Variants in WIPI2 observed in about 807,000 individuals in gnomAD.
The protein encoded by WIPI2 is WD repeat domain phosphoinositide-interacting protein 2.
Under a neutral mutation model 52.3 loss-of-function variants are expected in WIPI2, and 28 were observed. The observed-to-expected ratio is 0.54, with a 90% CI of 0.40 to 0.73. WIPI2 has a LOEUF of 0.73. Ranked by LOEUF, WIPI2 falls within the 30% of genes least tolerant of loss-of-function variation. The pLI is 0.00. For missense variants in WIPI2, 506 were observed against 602.9 expected, an observed-to-expected ratio of 0.84 and a Z score of 1.68; for synonymous variants, 268 against 245.0, an observed-to-expected ratio of 1.09 and a Z score of -0.88.
rs182390672 is a variant in WIPI2, at chr7:5,207,515, G to T, written c.212-7020G>T. Among the ~76,000 whole-genome samples the T allele has an allele frequency of 4.2e-3, 641 of 152,192 alleles. 14 individuals are homozygous for T. The highest frequency in any genetic ancestry group is 2.7e-3 in the East Asian group (14 of 5,188). ...AGTATGTGAATATATGACAGTTGTT[G>T]ATGTATTCTTTTCATGACAGTTATC... On this transcript the variant is annotated intron_variant, in intron 3 of 12. Transcript: ENST00000288828.
chr7:5,193,469 G>T (rs1432593683), intron 2 of WIPI2: 4 of 615,874 alleles, frequency 6.5e-6, no homozygotes, highest in East Asian at 3.7e-5. Context: ...GGAGACAACA[G>T]GAGAAACCTG....
intron 2 of WIPI2, among the ~76,000 whole-genome samples, chr7:5,198,707 G>C (rs943859381): frequency 1.3e-5 from 2 of 152,180 alleles, no homozygotes; most frequent in African/African-American, 2.4e-5. Flanking sequence ...CAGTAAGGCT[G>C]ATTCCTTGTG....
At chr7:5,228,687 A>C (rs541128869) in intron 11 of WIPI2, among the ~76,000 whole-genome samples, 1 of 152,210 alleles carries the variant, frequency 6.6e-6, no homozygotes, top group Non-Finnish European at 1.5e-5. Context: ...ATGCATTTTC[A>C]TTCTGTCTTA....
At chr7:5,211,730 T>C (rs1319973443) in intron 3 of WIPI2, among the ~76,000 whole-genome samples, 3 of 152,220 alleles carry the variant, frequency 2.0e-5, no homozygotes, top group African/African-American at 7.2e-5. Flanking sequence ...GGTTTTCCTA[T>C]GTGTCCCAAC....
Position 5,228,180 on chromosome 7 carries a change from G to A in WIPI2, c.1090G>A (p.Gly364Ser). 6.2e-7 allele frequency: 1 copy of A among 1,613,672 alleles called. No homozygotes were observed. Among genetic ancestry groups the A allele is most frequent in the Non-Finnish European group, 8.5e-7 (1 of 1,179,976 alleles). Reference protein sequence around the residue: ...LYMYNLDPQEGGECALMKQHR... With the variant: ...LYMYNLDPQESGECALMKQHR... ...CATGTACAACCTGGACCCCCAGGAG[G>A]GCGGCGAGTGTGCCCTGATGAAGCA... Residue 364 changes from glycine (G) to serine (S), a missense_variant, in exon 11 of 13, where the codon GGC becomes AGC. Physicochemically the swap from Gly to Ser is moderately conservative, Grantham distance 56. This residue lies in a region of WIPI2 where 194 missense variants were observed against 175.1 expected (regional missense o/e 1.11). Transcript: ENST00000288828.
At chr7:5,208,816 C>G (rs1330039315) in intron 3 of WIPI2, among the ~76,000 whole-genome samples, 1 of 152,036 alleles carries the variant, frequency 6.6e-6, no homozygotes, top group African/African-American at 2.4e-5. Flanking sequence ...TTTGCATTTT[C>G]TAGTTTCTTT....
At chr7:5,197,151 A>G (rs1315337239) in intron 2 of WIPI2, among the ~76,000 whole-genome samples, 3 of 150,212 alleles carry the variant, frequency 2.0e-5, no homozygotes, top group Non-Finnish European at 3.0e-5. Flanking sequence ...AAAAAACCAT[A>G]AAATAAATAA....
intron 3 of WIPI2, among the ~76,000 whole-genome samples, chr7:5,208,579 A>G (rs1028419197): frequency 1.2e-4 from 19 of 152,190 alleles, no homozygotes; most frequent in African/African-American, 4.3e-4. Context: ...TATTTAAGTC[A>G]ATAATCTATC....
At chr7:5,216,778 A>G (rs1326876904) in intron 5 of WIPI2, 119 bp downstream of exon 5, 10 of 1,010,670 alleles carry the variant, frequency 9.9e-6, no homozygotes, top group Admixed American at 2.4e-5. Context: ...TTTTAAAAGT[A>G]TTGATCCCAA....
rs751565385 is a variant in WIPI2, at chr7:5,227,410, G to A, written c.1013+66G>A. 95 of 1,574,714 alleles carry A rather than the reference G, an allele frequency of 6.0e-5. No homozygotes were observed. The highest frequency in any genetic ancestry group is 2.7e-4 in the South Asian group (24 of 87,742). On this transcript the variant is annotated intron_variant, in intron 10 of 12. Coordinates refer to ENST00000288828, the MANE Select transcript of WIPI2 (RefSeq NM_015610.4). This position sits in a 1 kb window ranked among gnomAD's most constrained non-coding sequence, Gnocchi z 8.1. Reference sequence around the variant, plus strand: ...TCAGGCCGAGGGGCCCAGTCCTGGCGGCTTGTGGCCCCTTCCGTGCTTCTG... The same window carrying A: ...TCAGGCCGAGGGGCCCAGTCCTGGCAGCTTGTGGCCCCTTCCGTGCTTCTG...
At chr7:5,193,626 G>C (rs745964717) in intron 2 of WIPI2, among the ~76,000 whole-genome samples, 26 of 152,206 alleles carry the variant, frequency 1.7e-4, no homozygotes, top group Non-Finnish European at 3.1e-4. Context: ...AAGTGCAGTG[G>C]CATAGTTATA....
At chr7:5,194,335 C>G (rs560070469) in intron 2 of WIPI2, among the ~76,000 whole-genome samples, 5 of 152,248 alleles carry the variant, frequency 3.3e-5, no homozygotes, top group Admixed American at 2.0e-4. Context: ...CTCTATCCGC[C>G]TAAGCACGCA....
In WIPI2 at chr7:5,199,676, T is replaced by A; in HGVS notation, c.211+18T>A. 1 of 1,567,392 alleles carries A rather than the reference T, an allele frequency of 6.4e-7. No individual in the cohort carries two copies. Among genetic ancestry groups the A allele is most frequent in the Non-Finnish European group, 8.6e-7 (1 of 1,165,586 alleles). On this transcript the variant is annotated intron_variant, in intron 3 of 12. Coordinates refer to ENST00000288828, the MANE Select transcript of WIPI2 (RefSeq NM_015610.4). ...TGAATGCAGTAAGTGTTTGCTTTATTTTTCCCCTTCTTAAAAAAAAAAAAA... is the reference window on the plus strand; with the variant it reads ...TGAATGCAGTAAGTGTTTGCTTTATATTTCCCCTTCTTAAAAAAAAAAAAA...
intron 1 of WIPI2, chr7:5,190,780 C>T: frequency 3.4e-6 from 1 of 297,202 alleles, no homozygotes; most frequent in Non-Finnish European, 6.2e-6. Flanking sequence ...GACTTAACTA[C>T]TTCTCGCAAA....
intron 3 of WIPI2, among the ~76,000 whole-genome samples, chr7:5,209,492 C>T (rs1446483414): frequency 6.6e-6 from 1 of 152,180 alleles, no homozygotes; most frequent in Non-Finnish European, 1.5e-5. Flanking sequence ...TAGGTTTCTA[C>T]CATGAATGAG....
At chr7:5,223,490 C>T (rs1783254996) in intron 8 of WIPI2, among the ~76,000 whole-genome samples, 1 of 152,186 alleles carries the variant, frequency 6.6e-6, no homozygotes, top group South Asian at 2.1e-4. Context: ...CCTCCAGCTC[C>T]TGCCTCCTCG....
chr7:5,208,747 T>C (rs1327276256), intron 3 of WIPI2, among the ~76,000 whole-genome samples: 2 of 152,314 alleles, frequency 1.3e-5, no homozygotes, highest in African/African-American at 4.8e-5. Flanking sequence ...TTCTGGACTC[T>C]TTAGTCTCTT....
At chr7:5,192,871 G>A (rs1346586959) in intron 1 of WIPI2, among the ~76,000 whole-genome samples, 2 of 152,174 alleles carry the variant, frequency 1.3e-5, no homozygotes, top group Non-Finnish European at 1.5e-5. Flanking sequence ...TTTACTGTAT[G>A]CAGTGAGAAA....
intron 3 of WIPI2, among the ~76,000 whole-genome samples, chr7:5,201,616 C>G (rs559327805): frequency 6.6e-6 from 1 of 152,272 alleles, no homozygotes; most frequent in South Asian, 2.1e-4. Flanking sequence ...CATGGTGGCG[C>G]ACACCTGTAA....
Sources: gnomAD v4.1 joint callset for allele counts (sites outside exome capture counted in the v4.1 genomes callset) on GRCh38, gnomAD v4.1.1 for gene constraint, gnomAD v4.1.1 regional missense constraint, Gnocchi (gnomAD v3.1) non-coding constraint, MANE v1.5 for transcripts, NCBI Gene and HGNC (gene_info 2026-07-23, HGNC 2026-07-21) for gene names.